ACACB: variants seen among roughly 807,000 people sequenced by gnomAD.
ACACB encodes the protein acetyl-CoA carboxylase beta.
A neutral mutation model predicts 278.8 loss-of-function variants in ACACB; 209 were observed. The ratio of observed to expected loss-of-function variants is 0.75; its 90% confidence interval spans 0.67 to 0.84. The LOEUF (loss-of-function observed/expected upper bound fraction) is 0.84, where lower values mean the gene tolerates loss of function less well. ACACB is among the 40% of genes least tolerant of loss of function. The pLI is 0.00. For missense variants in ACACB, 2,850 were observed against 3,269.0 expected (o/e 0.87, Z 3.13); for synonymous variants, 1,174 against 1,285.6 (o/e 0.91, Z 1.86).
intron 24 of ACACB, among the ~76,000 whole-genome samples, chr12:109,221,898 G>A (rs2136508950): frequency 6.7e-6 from 1 of 150,054 alleles, no homozygotes; most frequent in South Asian, 2.1e-4. Flanking sequence ...TTTTTTTGGG[G>A]GGGAGACAGA....
chr12:109,118,538 C>T (rs1452125126), intron 1 of ACACB, among the ~76,000 whole-genome samples: 5 of 151,864 alleles, frequency 3.3e-5, no homozygotes, highest in Admixed American at 2.6e-4. Context: ...CTCAGTCTCC[C>T]GAGTAGCTGG....
At chr12:109,160,158 A>G (rs1200189639) in intron 2 of ACACB, among the ~76,000 whole-genome samples, 2 of 151,806 alleles carry the variant, frequency 1.3e-5, no homozygotes, top group African/African-American at 4.8e-5. Context: ...CTCTTATTTG[A>G]GAGGAATATA....
chr12:109,149,677 A>C (rs1332059537), intron 2 of ACACB, among the ~76,000 whole-genome samples: 6 of 152,172 alleles, frequency 3.9e-5, no homozygotes, highest in Non-Finnish European at 8.8e-5. Context: ...ACACTAAGGG[A>C]TGAAATGGTA....
At chr12:109,229,720 A>G (rs1293081818) in intron 28 of ACACB, among the ~76,000 whole-genome samples, 1 of 152,036 alleles carries the variant, frequency 6.6e-6, no homozygotes, top group Non-Finnish European at 1.5e-5. Flanking sequence ...TTTAGTAGAG[A>G]TGGGGTTTCA....
intron 2 of ACACB, among the ~76,000 whole-genome samples, chr12:109,149,425 AG>A (rs977203540): frequency 1.6e-4 from 25 of 152,044 alleles, no homozygotes; most frequent in African/African-American, 6.0e-4. Context: ...GGGGGCTGGG[AG>A]ATAGAGAAGG....
intron 34 of ACACB, among the ~76,000 whole-genome samples, chr12:109,237,733 C>A (rs902356038): frequency 3.3e-5 from 5 of 152,078 alleles, no homozygotes; most frequent in Non-Finnish European, 7.3e-5. Context: ...AATCCATGGC[C>A]GGGTGCAGTG....
At chr12:109,253,673 G>A (rs988517246) in intron 43 of ACACB, among the ~76,000 whole-genome samples, 2 of 152,156 alleles carry the variant, frequency 1.3e-5, no homozygotes, top group Non-Finnish European at 2.9e-5. Context: ...GGACAATCGT[G>A]GGCACAGTTC....
At chr12:109,220,271 C>T (rs2046121918) in intron 24 of ACACB, among the ~76,000 whole-genome samples, 1 of 152,182 alleles carries the variant, frequency 6.6e-6, no homozygotes, top group South Asian at 2.1e-4. Flanking sequence ...TTCTGACTTT[C>T]TTGGTCCCAT....
rs558616392 is a variant in ACACB at position 109,197,940 on chromosome 12, G to T, written c.2627+787G>T. ...GAGAGGGTCTCGCTCTGTCACCCAG[G>T]CAGGAGTGCAGTGGCACCATCATGA... is the stretch of plus-strand genomic sequence containing the variant. On this transcript the variant is annotated intron_variant, in intron 17 of 52. Coordinates refer to ENST00000338432, the MANE Select transcript of ACACB (RefSeq NM_001093.4). Among the ~76,000 whole-genome samples, 27 of 152,184 alleles carry T rather than the reference G, an allele frequency of 1.8e-4. 1 individual carries two copies. The South Asian group carries it at 5.6e-3, about 32-fold the overall frequency.
chr12:109,185,603 CG>C lies in ACACB; in HGVS notation c.1845del (p.Leu616Ter). The C allele has an allele frequency of 6.2e-7, 1 of 1,613,820 alleles. No individual in the cohort carries two copies. The highest frequency in any genetic ancestry group is 1.1e-5 in the South Asian group (1 of 91,056). On this transcript the variant is annotated frameshift_variant, in exon 12 of 53. Transcript: ENST00000338432. LOFTEE classifies it high-confidence loss of function. Reference protein sequence around the residue: ...LQIAMGVPLHRLKDIRLLYGE... With the variant: ...LQIAMGVPLHXLKDIRLLYGE... ...GATCGCCATGGGCGTGCCACTGCACCGGCTGAAGGATATCCGGCTTCTGTAT... is the reference window on the plus strand; with the variant it reads ...GATCGCCATGGGCGTGCCACTGCACCGCTGAAGGATATCCGGCTTCTGTAT...
At position 109,266,313 on chromosome 12, in the gene ACACB, C is replaced by T. The variant is rs780740079; in HGVS notation, c.7328C>T (p.Ala2443Val). 41 of 1,613,350 alleles carry T rather than the reference C, an allele frequency of 2.5e-5. No individual in the cohort carries two copies. The highest frequency in any genetic ancestry group is 3.3e-5 in the Admixed American group (2 of 59,986). The change falls in exon 53 of 53, where the codon GCG becomes GTG. Residue 2443 changes from alanine to valine, a missense_variant. Physicochemically the swap from Ala to Val is moderately conservative, Grantham distance 64. Transcript: ENST00000338432. ...CAGCACATCAGCCCAGCTGAGCGGG[C>T]GCAGGTCGTTCACCTGCTGTCTACC... The part of the protein sequence containing the change: ...LSQHISPAER[A>V]QVVHLLSTMD...
At chr12:109,197,178 G>A (rs750628825) in intron 17 of ACACB, 25 bp downstream of exon 17, 1 of 1,593,940 alleles carries the variant, frequency 6.3e-7, no homozygotes. Context: ...GAGTCCCACT[G>A]TGGGCTGGGC....
intron 2 of ACACB, among the ~76,000 whole-genome samples, chr12:109,155,966 TAC>T: frequency 6.6e-6 from 1 of 152,220 alleles, no homozygotes; most frequent in Non-Finnish European, 1.5e-5. Context: ...CTAAAGTACT[TAC>T]TGCCTGACCC....
At chr12:109,244,824 A>T (rs752968225) in intron 37 of ACACB, among the ~76,000 whole-genome samples, 3 of 152,068 alleles carry the variant, frequency 2.0e-5, no homozygotes, top group South Asian at 4.1e-4. Context: ...CTATCTATCT[A>T]TCGAGAGAAT....
intron 2 of ACACB, among the ~76,000 whole-genome samples, chr12:109,140,259 CTTCCTTCCTTCT>C (rs879271038): frequency 0.075 from 3,711 of 49,448 alleles, 675 homozygotes; most frequent in Non-Finnish European, 0.096. Context: ...TCCTTCCATC[CTTCCTTCCTTCT>C]TTCCTTCCTT....
chr12:109,237,051 C>G, intron 33 of ACACB, 114 bp from the exon 34 acceptor site: 2 of 1,051,946 alleles, frequency 1.9e-6, no homozygotes, highest in East Asian at 4.7e-5. Flanking sequence ...TCCTGAGTGC[C>G]AAACCCATGG....
At chr12:109,261,873 A>G (rs960859098) in intron 48 of ACACB, among the ~76,000 whole-genome samples, 2 of 151,562 alleles carry the variant, frequency 1.3e-5, no homozygotes, top group African/African-American at 4.8e-5. Flanking sequence ...CCTGTCTAAA[A>G]AAAAAACAAA....
intron 2 of ACACB, among the ~76,000 whole-genome samples, chr12:109,157,036 G>T (rs2043563034): frequency 6.6e-6 from 1 of 151,898 alleles, no homozygotes; most frequent in African/African-American, 2.4e-5. Context: ...ACACAAATTT[G>T]GAATTGTCCC....
chr12:109,204,942 G>A (rs920781104), intron 19 of ACACB, among the ~76,000 whole-genome samples: 1 of 152,066 alleles, frequency 6.6e-6, no homozygotes, highest in African/African-American at 2.4e-5. Context: ...CACTTCCTGG[G>A]TTCAAGCAAT....
Sources: allele counts gnomAD v4.1 joint callset (sites outside exome capture counted in the v4.1 genomes callset), GRCh38; gene constraint gnomAD v4.1.1; transcripts MANE v1.5; gene names NCBI Gene and HGNC (gene_info 2026-07-23, HGNC 2026-07-21).